KLHL4: variants seen among roughly 807,000 people sequenced by gnomAD.
KLHL4 encodes kelch-like protein 4.
KLHL4 carries 17 observed loss-of-function variants against 45.8 expected under a neutral mutation model. That is an observed-to-expected ratio of 0.37 (90% confidence interval 0.25 to 0.56). KLHL4 has a LOEUF of 0.56. Among genes scored for constraint, KLHL4 ranks in the 20% least tolerant of loss-of-function variants. The probability of loss-of-function intolerance (pLI) is 0.79; values close to 1 mark genes in which losing one functional copy is unlikely to be tolerated. For synonymous variants in KLHL4, 224 were observed against 189.9 expected (o/e 1.18, Z -1.47); for missense variants, 544 against 544.9 (o/e 1.00, Z 0.02).
intron 1 of KLHL4, among the ~76,000 whole-genome samples, chrX:87,530,377 G>A (rs1305443156): frequency 6.8e-5 from 7 of 103,116 alleles, no homozygotes; most frequent in South Asian, 4.9e-4. Context: ...CCACTAACTC[G>A]TCATCTAGCA....
intron 1 of KLHL4, among the ~76,000 whole-genome samples, chrX:87,534,647 A>G (rs1017448652): frequency 9.0e-6 from 1 of 111,251 alleles, no homozygotes; most frequent in Non-Finnish European, 1.9e-5. Context: ...GGAGTTCATA[A>G]TAAAGTTGGA....
chrX:87,605,197 G>A (rs184524792), intron 1 of KLHL4, among the ~76,000 whole-genome samples: 42 of 111,539 alleles, frequency 3.8e-4, no homozygotes, highest in African/African-American at 1.2e-3. Context: ...TAGGTAGCAT[G>A]ATGGCTCCAA....
At chrX:87,522,793 A>G (rs1241300520) in intron 1 of KLHL4, among the ~76,000 whole-genome samples, 8 of 112,169 alleles carry the variant, frequency 7.1e-5, no homozygotes, top group Non-Finnish European at 1.5e-4. Context: ...GATTCCTAAC[A>G]TTTTTAGAGA....
chrX:87,612,324 G>A (rs1569353139), intron 1 of KLHL4, among the ~76,000 whole-genome samples: 1 of 111,421 alleles, frequency 9.0e-6, no homozygotes, highest in East Asian at 2.8e-4. Flanking sequence ...TTTTTACTGT[G>A]CTCTTTCTAT....
intron 1 of KLHL4, among the ~76,000 whole-genome samples, chrX:87,606,084 G>C (rs1922184970): frequency 9.0e-6 from 1 of 111,403 alleles, no homozygotes; most frequent in African/African-American, 3.3e-5. Context: ...AATCCCACTT[G>C]ATCACAATAG....
At chrX:87,600,414 C>A (rs1441653297) in intron 1 of KLHL4, among the ~76,000 whole-genome samples, 2 of 104,661 alleles carry the variant, frequency 1.9e-5, no homozygotes, top group African/African-American at 7.0e-5. Flanking sequence ...ACCCGGGAGG[C>A]GGAGCTTGCA....
At chrX:87,659,197 G>A (rs1924102085) in intron 9 of KLHL4, among the ~76,000 whole-genome samples, 1 of 90,059 alleles carries the variant, frequency 1.1e-5, no homozygotes, top group South Asian at 5.8e-4. Flanking sequence ...TCAGCTCACT[G>A]CAACCTCCAC....
chrX:87,572,830 A>AAT (rs1177416946), intron 1 of KLHL4, among the ~76,000 whole-genome samples: 23 of 109,923 alleles, frequency 2.1e-4, no homozygotes, highest in East Asian at 1.4e-3. Context: ...CTTAAAAAAA[A>AAT]AAATAAATGA....
intron 9 of KLHL4, among the ~76,000 whole-genome samples, chrX:87,641,071 A>G (rs1233302597): frequency 8.9e-6 from 1 of 112,147 alleles, no homozygotes; most frequent in Non-Finnish European, 1.9e-5. Flanking sequence ...GATTGCAGCT[A>G]CAGACAGAGC....
intron 9 of KLHL4, among the ~76,000 whole-genome samples, chrX:87,657,065 G>C (rs946736454): frequency 8.9e-6 from 1 of 112,203 alleles, no homozygotes; most frequent in African/African-American, 3.2e-5. Flanking sequence ...CTCCATTGGA[G>C]CTGGGGTGGC....
Position 87,529,544 on chromosome X carries a change from T to A in KLHL4, c.422+11229T>A, listed in dbSNP as rs765755000. 5.4e-5 allele frequency among the ~76,000 whole-genome samples: 6 copies of A among 111,806 alleles called. No individual in the cohort carries two copies. In the South Asian group the frequency reaches 1.9e-3, roughly 35 times the overall value. Reference sequence around the variant, plus strand: ...ACAATCAGGAAAACTTTTCTGTAGTTCCCTAGGAGAGTATAGAGTCTTTAA... The same window carrying A: ...ACAATCAGGAAAACTTTTCTGTAGTACCCTAGGAGAGTATAGAGTCTTTAA... On this transcript the variant is annotated intron_variant, in intron 1 of 10. Transcript: ENST00000373119.
At chrX:87,556,069 C>T (rs188825040) in intron 1 of KLHL4, among the ~76,000 whole-genome samples, 3 of 110,970 alleles carry the variant, frequency 2.7e-5, no homozygotes, top group South Asian at 7.7e-4. Flanking sequence ...TTTGATTGCA[C>T]TGTAGTCTGA....
chrX:87,603,940 G>A (rs1298230640), intron 1 of KLHL4, among the ~76,000 whole-genome samples: 1 of 109,867 alleles, frequency 9.1e-6, no homozygotes, highest in Non-Finnish European at 1.9e-5. Flanking sequence ...CCGCTTCTAT[G>A]ATATCAACTC....
intron 10 of KLHL4, 106 bp downstream of exon 10, chrX:87,665,041 G>GATC (rs1406087326): frequency 2.1e-6 from 1 of 482,004 alleles, no homozygotes; most frequent in Non-Finnish European, 3.4e-6. Context: ...GCCCTAACAA[G>GATC]ATCTTTTAGT....
chrX:87,644,158 A>ACTCC (rs1412301964), intron 9 of KLHL4, among the ~76,000 whole-genome samples: 5 of 110,793 alleles, frequency 4.5e-5, no homozygotes, highest in Non-Finnish European at 9.4e-5. Flanking sequence ...AACCCTAAAG[A>ACTCC]CTCCTCAAGA....
intron 6 of KLHL4, among the ~76,000 whole-genome samples, chrX:87,629,378 G>T (rs1923030841): frequency 9.0e-6 from 1 of 111,328 alleles, no homozygotes; most frequent in Non-Finnish European, 1.9e-5. Flanking sequence ...ATTGGTGGGG[G>T]TGGACAAAGG....
At chrX:87,632,707 A>G (rs1454869083) in intron 7 of KLHL4, among the ~76,000 whole-genome samples, 2 of 111,565 alleles carry the variant, frequency 1.8e-5, no homozygotes, top group Non-Finnish European at 3.8e-5. Flanking sequence ...ATATACAACT[A>G]CAGCAAGGAG....
intron 9 of KLHL4, among the ~76,000 whole-genome samples, chrX:87,656,014 C>G (rs1923978973): frequency 9.0e-6 from 1 of 111,544 alleles, no homozygotes; most frequent in Non-Finnish European, 1.9e-5. Context: ...AAAATAAAAT[C>G]CCAGTCTCTT....
At chrX:87,550,668 G>T (rs1043935489) in intron 1 of KLHL4, among the ~76,000 whole-genome samples, 2 of 111,013 alleles carry the variant, frequency 1.8e-5, no homozygotes, top group African/African-American at 6.5e-5. Flanking sequence ...TGATTAAATG[G>T]GTTTCATACC....
Sources: allele counts gnomAD v4.1 joint callset (sites outside exome capture counted in the v4.1 genomes callset), GRCh38; gene constraint gnomAD v4.1.1; transcripts MANE v1.5; gene names NCBI Gene and HGNC (gene_info 2026-07-23, HGNC 2026-07-21).